RPIA: variants seen among roughly 807,000 people sequenced by gnomAD.
RPIA encodes ribose-5-phosphate isomerase.
Under a neutral mutation model 37.8 loss-of-function variants are expected in RPIA, and 29 were observed. That is an observed-to-expected ratio of 0.77 (90% CI 0.57 to 1.05). The LOEUF (loss-of-function observed/expected upper bound fraction) is 1.05. RPIA is among the 50% of genes least tolerant of loss of function. The probability of loss-of-function intolerance (pLI) is 0.00; values close to 1 mark genes in which losing one functional copy is unlikely to be tolerated. For missense variants in RPIA, 385 were observed against 413.6 expected, an observed-to-expected ratio of 0.93 and a Z score of 0.60; for synonymous variants, 167 against 157.0, an observed-to-expected ratio of 1.06 and a Z score of -0.48.
chr2:88,697,187 A>G (rs1672757877), intron 1 of RPIA, among the ~76,000 whole-genome samples: 1 of 152,254 alleles, frequency 6.6e-6, no homozygotes, highest in Non-Finnish European at 1.5e-5. Flanking sequence ...AGACAATACA[A>G]GCAGGTTCCA....
chr2:88,710,937 C>G (rs1053635833), intron 3 of RPIA, among the ~76,000 whole-genome samples: 1 of 152,210 alleles, frequency 6.6e-6, no homozygotes, highest in Non-Finnish European at 1.5e-5. Context: ...TCAGGAGAAA[C>G]TCGCCTGCTG....
chr2:88,711,010 A>G (rs144802278), intron 3 of RPIA, among the ~76,000 whole-genome samples: 6 of 152,350 alleles, frequency 3.9e-5, no homozygotes, highest in African/African-American at 1.4e-4. Flanking sequence ...TGGAGGAGCT[A>G]TTACAACTTA....
chr2:88,735,644 G>T, intron 5 of RPIA, 25 bp from the exon 6 acceptor site: 1 of 1,612,512 alleles, frequency 6.2e-7, no homozygotes, highest in Non-Finnish European at 8.5e-7. Flanking sequence ...TCTTACTCCT[G>T]TGTTCCTTTG....
At chr2:88,714,527 A>T (rs1208891362) in intron 3 of RPIA, among the ~76,000 whole-genome samples, 2 of 152,106 alleles carry the variant, frequency 1.3e-5, no homozygotes, top group African/African-American at 4.8e-5. Flanking sequence ...AGCTCTCAAG[A>T]TGAGGATTGT....
intron 3 of RPIA, among the ~76,000 whole-genome samples, chr2:88,713,018 G>A (rs1015221215): frequency 5.6e-4 from 83 of 149,372 alleles, no homozygotes; most frequent in African/African-American, 2.0e-3. Context: ...ACAGGTGCCC[G>A]CCACCACGCC....
intron 3 of RPIA, among the ~76,000 whole-genome samples, chr2:88,725,950 T>C (rs1412842540): frequency 1.3e-5 from 2 of 152,210 alleles, no homozygotes; most frequent in South Asian, 2.1e-4. Context: ...CAGACTTCAG[T>C]TGACCATTTT....
At chr2:88,708,504 C>T (rs1158418746) in intron 3 of RPIA, among the ~76,000 whole-genome samples, 1 of 152,134 alleles carries the variant, frequency 6.6e-6, no homozygotes, top group Non-Finnish European at 1.5e-5. Context: ...AAGGAGTACA[C>T]CGTAAAAAGA....
At chr2:88,714,610 A>G (rs1673009914) in intron 3 of RPIA, among the ~76,000 whole-genome samples, 1 of 152,194 alleles carries the variant, frequency 6.6e-6, no homozygotes, top group African/African-American at 2.4e-5. Flanking sequence ...CAGATGTCCT[A>G]GAGAAGGCTG....
chr2:88,698,451 A>G (rs950623617), intron 1 of RPIA, 33 bp from the exon 2 acceptor site: 1 of 1,593,258 alleles, frequency 6.3e-7, no homozygotes, highest in East Asian at 2.2e-5. Flanking sequence ...TGATATTAAT[A>G]AGTTTTGTTT....
At chr2:88,714,171 G>T (rs1378965670) in intron 3 of RPIA, among the ~76,000 whole-genome samples, 92 of 136,478 alleles carry the variant, frequency 6.7e-4, no homozygotes, top group South Asian at 2.4e-3. Context: ...TTTTTTGTTT[G>T]TTTGTTTGTT....
rs1472024826 is a variant in RPIA at position 88,691,879 on chromosome 2, A to T, written c.181A>T (p.Ser61Cys). 1.3e-6 allele frequency: 2 copies of T among 1,595,816 alleles called. No individual in the cohort carries two copies. Among genetic ancestry groups the T allele is most frequent in the South Asian group, 2.3e-5 (2 of 88,296 alleles). ...TGGCGGTGCTGGCAACACAAGCACC[A>T]GCTGCGGGGACTCCAACAGCATCTG... ...TRGGAGNTST[S>C]CGDSNSICPA... is the part of the protein sequence containing the mutation. The change falls in exon 1 of 9, where the codon AGC (serine) becomes TGC (cysteine). Residue 61 changes from serine to cysteine, a missense_variant. Transcript: ENST00000283646.
chr2:88,713,829 A>T (rs571626879), intron 3 of RPIA, among the ~76,000 whole-genome samples: 12 of 149,216 alleles, frequency 8.0e-5, no homozygotes, highest in Non-Finnish European at 1.8e-4. Context: ...CTTTGTTCTC[A>T]TGTGTTCAGT....
At chr2:88,746,345 G>A (rs768783676) in intron 8 of RPIA, among the ~76,000 whole-genome samples, 26 of 152,150 alleles carry the variant, frequency 1.7e-4, no homozygotes, top group Non-Finnish European at 3.5e-4. Context: ...TCGTTTTGTC[G>A]TATTACCAGA....
chr2:88,740,770 G>T (rs1197067080), intron 8 of RPIA, among the ~76,000 whole-genome samples: 1 of 152,210 alleles, frequency 6.6e-6, no homozygotes, highest in African/African-American at 2.4e-5. Context: ...TCTTACCTTA[G>T]ACTGCTGCCC....
rs147550747 is a variant in RPIA at position 88,725,208 on chromosome 2, C to G, written c.403-4070C>G. Among the ~76,000 whole-genome samples, 120 of 152,272 alleles carry G rather than the reference C, an allele frequency of 7.9e-4. No individual in the cohort carries two copies. In the East Asian group the frequency reaches 0.021, roughly 27 times the overall value. On this transcript the variant is annotated intron_variant, in intron 3 of 8. Transcript: ENST00000283646. ...AGAAGCTTCTGGTGTCTAGCAGATG[C>G]AGATCTCAGTGGAGCACCAGAGGCT...
Position 88,735,727 on chromosome 2 carries a change from G to A in RPIA, c.586G>A (p.Ala196Thr). ...AGYASRFIVI[A>T]DFRKDSKNLG... ...CTATGCTAGTCGCTTCATCGTGATC[G>A]CTGATTTCAGGTACAGTTTCTGGTG... Residue 196 changes from alanine (A) to threonine (T), a missense_variant, in exon 6 of 9, where the codon GCT becomes ACT. Transcript: ENST00000283646. 6.2e-7 allele frequency: 1 copy of A among 1,613,880 alleles called. No individual in the cohort carries two copies. The highest frequency in any genetic ancestry group is 2.2e-5 in the East Asian group (1 of 44,874).
intron 8 of RPIA, among the ~76,000 whole-genome samples, chr2:88,740,837 G>A (rs1481133992): frequency 6.6e-6 from 1 of 152,112 alleles, no homozygotes; most frequent in Admixed American, 6.5e-5. Flanking sequence ...CTGTTTTTTG[G>A]ATCAGTGGAT....
chr2:88,706,665 A>G (rs1420490251), intron 3 of RPIA, among the ~76,000 whole-genome samples: 4 of 152,052 alleles, frequency 2.6e-5, no homozygotes, highest in African/African-American at 4.8e-5. Context: ...ACATTTACCT[A>G]TGTAACAAAC....
Position 88,750,356 on chromosome 2 carries a change from C to G in RPIA, c.*278C>G, listed in dbSNP as rs1186733152. 2 of 381,546 alleles carry G rather than the reference C, an allele frequency of 5.2e-6. No individual in the cohort carries two copies. Among genetic ancestry groups the G allele is most frequent in the Non-Finnish European group, 9.3e-6 (2 of 214,914 alleles). 23.6% of individuals were successfully genotyped at this position (381,546 alleles called of 1,614,324 possible). ...GTTCATGTTTTATATGAAATATTTACCAAAAAAAAAAAATGAGGTAAACTG... is the reference window on the plus strand; with the variant it reads ...GTTCATGTTTTATATGAAATATTTAGCAAAAAAAAAAAATGAGGTAAACTG... On this transcript the variant is annotated 3_prime_UTR_variant, in exon 9 of 9. Coordinates refer to ENST00000283646, the MANE Select transcript of RPIA (RefSeq NM_144563.3).
Sources: gnomAD v4.1 joint callset for allele counts (sites outside exome capture counted in the v4.1 genomes callset) on GRCh38, gnomAD v4.1.1 for gene constraint, MANE v1.5 for transcripts, NCBI Gene and HGNC (gene_info 2026-07-23, HGNC 2026-07-21) for gene names.